Variants in OLFML2A observed in about 807,000 individuals in gnomAD.
OLFML2A encodes olfactomedin like 2A, also known as olfactomedin-like protein 2A.
In OLFML2A, 47 loss-of-function variants were observed where a neutral mutation model predicts 60.9. The ratio of observed to expected loss-of-function variants is 0.77; its 90% CI spans 0.61 to 0.98. The LOEUF is 0.98. Among genes scored for constraint, OLFML2A ranks in the 50% least tolerant of loss-of-function variants. OLFML2A has a pLI of 0.00. For missense variants in OLFML2A, 922 were observed against 879.8 expected, an observed-to-expected ratio of 1.05 and a Z score of -0.61; for synonymous variants, 372 against 375.0, an observed-to-expected ratio of 0.99 and a Z score of 0.09.
Position 124,814,323 on chromosome 9 carries a change from C to T in OLFML2A, c.*3911C>T, listed in dbSNP as rs1201476965. 6.6e-6 allele frequency: 1 copy of T among 152,402 alleles called. No homozygotes were observed. The highest frequency in any genetic ancestry group is 2.4e-5 in the African/African-American group (1 of 41,460). 9.4% of individuals were successfully genotyped at this position (152,402 alleles called of 1,614,324 possible). On this transcript the variant is annotated 3_prime_UTR_variant, in exon 8 of 8. Transcript: ENST00000373580. ...GAGTTAGGGAGCCCTGGGTTGGAAT[C>T]CAGCCCCACCTCTTTTATGCCACAG... is the stretch of plus-strand genomic sequence containing the variant.
chr9:124,790,543 A>G (rs2131253930), intron 2 of OLFML2A, among the ~76,000 whole-genome samples: 1 of 152,278 alleles, frequency 6.6e-6, no homozygotes, highest in East Asian at 1.9e-4. Context: ...CTCAGCCAGG[A>G]GCCCACAGTC....
chr9:124,805,839 G>T (rs1244125930), intron 6 of OLFML2A, among the ~76,000 whole-genome samples: 1 of 129,416 alleles, frequency 7.7e-6, no homozygotes, highest in Non-Finnish European at 1.6e-5. Context: ...TTTTTGAGAC[G>T]GAGTCTGACT....
chr9:124,802,708 G>T (rs1841804208), intron 5 of OLFML2A, among the ~76,000 whole-genome samples: 1 of 152,226 alleles, frequency 6.6e-6, no homozygotes, highest in Non-Finnish European at 1.5e-5. Flanking sequence ...CGACCAGGGG[G>T]ATGACCCCCT....
chr9:124,799,550 C>A, intron 4 of OLFML2A, 59 bp downstream of exon 4: 1 of 1,396,934 alleles, frequency 7.2e-7, no homozygotes, highest in Non-Finnish European at 9.8e-7. Flanking sequence ...GCTCAGTGTG[C>A]CAGGACGTTG....
chr9:124,799,256 A>G, intron 3 of OLFML2A, 29 bp from the exon 4 acceptor site: 2 of 1,513,452 alleles, frequency 1.3e-6, no homozygotes, highest in South Asian at 1.1e-5. Flanking sequence ...CTGGCCCAGG[A>G]AAGACCTCCA....
At chr9:124,808,694 G>C (rs1314336150) in intron 7 of OLFML2A, among the ~76,000 whole-genome samples, 1 of 152,108 alleles carries the variant, frequency 6.6e-6, no homozygotes, top group Non-Finnish European at 1.5e-5. Flanking sequence ...GGAAGGGAGA[G>C]GGAAGGGTGT....
At chr9:124,806,566 T>C (rs1841900094) in intron 6 of OLFML2A, among the ~76,000 whole-genome samples, 1 of 152,142 alleles carries the variant, frequency 6.6e-6, no homozygotes, top group African/African-American at 2.4e-5. Flanking sequence ...TCTGCTTTTA[T>C]GAGTTTGACT....
chr9:124,804,107 G>A lies in OLFML2A; in HGVS notation c.933G>A (p.Gln311=), dbSNP rs1841839424. 6.2e-7 allele frequency: 1 copy of A among 1,613,970 alleles called. No homozygotes were observed. Among genetic ancestry groups the A allele is most frequent in the Non-Finnish European group, 8.5e-7 (1 of 1,179,988 alleles). Residue 311 remains glutamine (Q), a synonymous_variant, in exon 6 of 8, where the codon CAG becomes CAA. Coordinates refer to ENST00000373580, the MANE Select transcript of OLFML2A (RefSeq NM_182487.4). ...TTCTCTCTGCAGACAACACCCTCCA[G>A]GGCACTTCCTGGCTGGAGCAACTGC... ...VTEAVADNTL[Q]GTSWLEQLPP...
intron 3 of OLFML2A, among the ~76,000 whole-genome samples, chr9:124,795,636 G>A (rs990474484): frequency 2.6e-5 from 4 of 152,138 alleles, no homozygotes; most frequent in East Asian, 1.9e-4. Context: ...AAAATTAGGC[G>A]TGGTGGTATG....
In OLFML2A at chr9:124,814,643, A is replaced by G. The variant is rs1183587253; in HGVS notation, c.*4231A>G. On this transcript the variant is annotated 3_prime_UTR_variant, in exon 8 of 8. Transcript: ENST00000373580. ...GTTGGTAGGAATCTTGTAACCAGTC[A>G]TGTTTTCTTCCTTGTTTTGGCCGCT... 1.3e-5 allele frequency: 2 copies of G among 152,182 alleles called. No individual in the cohort carries two copies. Among genetic ancestry groups the G allele is most frequent in the Admixed American group, 6.5e-5 (1 of 15,278 alleles). The allele number at this position is 152,182 out of a possible 1,614,324, so 9.4% of individuals were successfully genotyped here.
chr9:124,788,323 C>T (rs1196532940), intron 2 of OLFML2A, among the ~76,000 whole-genome samples: 1 of 150,640 alleles, frequency 6.6e-6, no homozygotes, highest in Non-Finnish European at 1.5e-5. Flanking sequence ...ATAAAGAAAC[C>T]CAGGCCGGGT....
intron 6 of OLFML2A, 151 bp from the exon 7 acceptor site, chr9:124,807,630 A>G: frequency 3.3e-6 from 2 of 608,410 alleles, no homozygotes; most frequent in Middle Eastern, 4.5e-4. Flanking sequence ...ACGATCAGGC[A>G]TTGTTTTGAT....
At chr9:124,808,000 G>T (rs540263104) in intron 7 of OLFML2A, 34 bp downstream of exon 7, 1 of 1,571,138 alleles carries the variant, frequency 6.4e-7, no homozygotes, top group Admixed American at 1.7e-5. Flanking sequence ...AGGGGGCTGG[G>T]TATGGACAAC....
intron 5 of OLFML2A, 146 bp from the exon 6 acceptor site, chr9:124,803,947 AC>A (rs1299604132): frequency 1.7e-5 from 14 of 831,148 alleles, no homozygotes; most frequent in Admixed American, 8.9e-5. Context: ...GAGACCTTTC[AC>A]CCCCCTCCAG....
chr9:124,794,726 A>T (rs1373093435), intron 2 of OLFML2A, among the ~76,000 whole-genome samples: 1 of 152,040 alleles, frequency 6.6e-6, no homozygotes, highest in African/African-American at 2.4e-5. Context: ...GGTTCAAGCA[A>T]TTCTCCTGCC....
Position 124,777,284 on chromosome 9 carries a change from C to T in OLFML2A, c.14C>T (p.Ala5Val), listed in dbSNP as rs1841273943. The T allele has an allele frequency of 1.6e-6, 2 of 1,235,562 alleles. No homozygotes were observed. The highest frequency in any genetic ancestry group is 1.0e-6 in the Non-Finnish European group (1 of 978,536). 76.5% of individuals were successfully genotyped at this position (1,235,562 alleles called of 1,614,324 possible). Residue 5 changes from alanine (A) to valine (V), a missense_variant, in exon 1 of 8, where the codon GCC (alanine) becomes GTC (valine). Coordinates refer to ENST00000373580, the MANE Select transcript of OLFML2A (RefSeq NM_182487.4). The surrounding 1 kb of genome is among the most constrained non-coding windows in gnomAD (Gnocchi z 6.2). ...GCCCGTGGCGCCATGGCCGCTGCCG[C>T]CCTCCCGCCCCGGCCGCTGCTCCTT... The part of the protein sequence containing the change: MAAA[A>V]LPPRPLLLLP...
intron 4 of OLFML2A, among the ~76,000 whole-genome samples, chr9:124,800,423 C>G (rs147390954): frequency 6.6e-6 from 1 of 152,194 alleles, no homozygotes; most frequent in Non-Finnish European, 1.5e-5. Context: ...GGAGGAGGGG[C>G]GACCCCTGCC....
rs776597829 is a variant in OLFML2A, at chr9:124,787,064, G to A, written c.180G>A (p.Ala60=). Residue 60 remains alanine (A), a synonymous_variant, in exon 2 of 8, where the codon GCG becomes GCA. Coordinates refer to ENST00000373580, the MANE Select transcript of OLFML2A (RefSeq NM_182487.4). The stretch of plus-strand genomic sequence containing the variant: ...TCATGCGGCCCCTGAGCAAGGACGC[G>A]TGTAGCCGAGTGCGCAGTGGGCGGG... ...KCIMRPLSKD[A]CSRVRSGRAR... 94 of 1,614,024 alleles carry A rather than the reference G, an allele frequency of 5.8e-5. No individual in the cohort carries two copies. The highest frequency in any genetic ancestry group is 7.2e-5 in the Non-Finnish European group (85 of 1,180,024).
Position 124,804,161 on chromosome 9 carries a change from C to T in OLFML2A, c.987C>T (p.Ser329=), listed in dbSNP as rs562240897. Residue 329 remains serine (S), a synonymous_variant, in exon 6 of 8, where the codon TCC becomes TCT. Transcript: ENST00000373580. ...CCAAGGTGGAGGGCAGGTCCAACTC[C>T]GCAGAGCCCAACTCCGCAGAGCAGG... ...LPPKVEGRSN[S]AEPNSAEQDE... 87 of 1,613,822 alleles carry T rather than the reference C, an allele frequency of 5.4e-5. No homozygotes were observed. Among genetic ancestry groups the T allele is most frequent in the African/African-American group, 6.7e-5 (5 of 75,046 alleles).
Sources: gnomAD v4.1 joint callset for allele counts (sites outside exome capture counted in the v4.1 genomes callset) on GRCh38, gnomAD v4.1.1 for gene constraint, Gnocchi (gnomAD v3.1) non-coding constraint, MANE v1.5 for transcripts, NCBI Gene and HGNC (gene_info 2026-07-23, HGNC 2026-07-21) for gene names.